The following PLA2R1 variants were observed in gnomAD, a reference collection of about 807,000 sequenced individuals.
PLA2R1 encodes secretory phospholipase A2 receptor.
PLA2R1 carries 158 observed loss-of-function variants against 195.9 expected under a neutral mutation model. The observed-to-expected ratio is 0.81, with a 90% CI of 0.71 to 0.92. The LOEUF is 0.92. PLA2R1 is among the 40% of genes least tolerant of loss of function. The probability of loss-of-function intolerance (pLI) is 0.00; values close to 1 mark genes in which losing one functional copy is unlikely to be tolerated. For synonymous variants in PLA2R1, 586 were observed against 598.2 expected (o/e 0.98, Z 0.30); for missense variants, 1,626 against 1,764.6 (o/e 0.92, Z 1.41).
chr2:159,980,832 T>A (rs1389135941), intron 13 of PLA2R1, among the ~76,000 whole-genome samples: 4 of 152,252 alleles, frequency 2.6e-5, no homozygotes, highest in African/African-American at 7.2e-5. Context: ...TTTTCCTTTG[T>A]GCAGAGAAGC....
intron 27 of PLA2R1, chr2:159,946,282 T>C (rs747098048): frequency 1.0e-6 from 1 of 985,326 alleles, no homozygotes. Context: ...TGTAACAAGC[T>C]CTCCATACCA....
intron 11 of PLA2R1, among the ~76,000 whole-genome samples, chr2:159,997,852 C>T (rs1432602816): frequency 6.6e-6 from 1 of 152,108 alleles, no homozygotes; most frequent in Non-Finnish European, 1.5e-5. Context: ...GCTCTTTACT[C>T]ATTAGGATGG....
intron 2 of PLA2R1, 51 bp from the exon 3 acceptor site, chr2:160,042,249 T>C (rs909046772): frequency 4.6e-6 from 7 of 1,513,526 alleles, no homozygotes; most frequent in South Asian, 1.2e-5. Flanking sequence ...CAGCTTTATC[T>C]TTGGAAACTG....
intron 11 of PLA2R1, among the ~76,000 whole-genome samples, chr2:159,996,987 A>C (rs1691256365): frequency 6.6e-6 from 1 of 152,132 alleles, no homozygotes; most frequent in Non-Finnish European, 1.5e-5. Context: ...GTTTAAAAGA[A>C]TTGCTTGTCT....
intron 5 of PLA2R1, 81 bp from the exon 6 acceptor site, chr2:160,028,442 G>C: frequency 2.1e-6 from 2 of 964,380 alleles, no homozygotes; most frequent in Non-Finnish European, 3.3e-6. Context: ...TTTCAGCATC[G>C]GGGGACAGCG....
At position 159,989,083 on chromosome 2, in the gene PLA2R1, T is replaced by C. The variant is rs202085702; in HGVS notation, c.1835-1725A>G. On this transcript the variant is annotated intron_variant, in intron 11 of 29. Transcript: ENST00000283243. ...CAGTGGTAAAAGAGGAAACACGCTA[T>C]CCCTCACATAGAAGAAAAGAAAGTC... 3.3e-5 allele frequency among the ~76,000 whole-genome samples: 5 copies of C among 152,110 alleles called. No homozygotes were observed. In the East Asian group the frequency reaches 9.6e-4, roughly 29 times the overall value.
rs1488244727 is a variant in PLA2R1, at chr2:159,934,831, C to T, written c.*6947G>A. The T allele has an allele frequency of 1.3e-5, 2 of 152,132 alleles. No homozygotes were observed. The highest frequency in any genetic ancestry group is 2.9e-5 in the Non-Finnish European group (2 of 68,018). 9.4% of individuals were successfully genotyped at this position (152,132 alleles called of 1,614,324 possible). A position where few individuals can be genotyped will look rare whatever the true frequency, so the allele number is the denominator to read the frequency against. ...CAAAACAAAGAAACTAATACTGGTA[C>T]AATACTATTAATTAAACCATAGACT... is the stretch of plus-strand genomic sequence containing the variant. On this transcript the variant is annotated 3_prime_UTR_variant, in exon 30 of 30. Transcript: ENST00000283243.
At chr2:159,974,127 C>G (rs981859587) in intron 17 of PLA2R1, among the ~76,000 whole-genome samples, 1 of 152,154 alleles carries the variant, frequency 6.6e-6, no homozygotes, top group East Asian at 1.9e-4. Flanking sequence ...CTTCATTGTT[C>G]ATGTCTGAGA....
intron 4 of PLA2R1, among the ~76,000 whole-genome samples, chr2:160,032,688 C>A (rs1266878123): frequency 2.6e-5 from 4 of 152,126 alleles, no homozygotes; most frequent in African/African-American, 7.2e-5. Context: ...TCTTCCTGAT[C>A]CACTTGTTAG....
In PLA2R1 at chr2:159,967,568, GA is replaced by G; in HGVS notation, c.2874del (p.Gly961AspfsTer12). On this transcript the variant is annotated frameshift_variant, in exon 20 of 30. Coordinates refer to ENST00000283243, the MANE Select transcript of PLA2R1 (RefSeq NM_007366.5). LOFTEE classifies it high-confidence loss of function. ...KKDTPKQHGT[C>X]PKGWLYFNYK... ...TAGTTAAAATATAGCCATCCTTTGG[GA>G]CACGTTCCATGTTGTTTTGGTGTAT... The G allele has an allele frequency of 6.2e-7, 1 of 1,613,596 alleles. No homozygotes were observed. Among genetic ancestry groups the G allele is most frequent in the Non-Finnish European group, 8.5e-7 (1 of 1,179,682 alleles).
At chr2:160,021,541 C>T (rs940359124) in intron 7 of PLA2R1, among the ~76,000 whole-genome samples, 2 of 152,170 alleles carry the variant, frequency 1.3e-5, no homozygotes, top group African/African-American at 4.8e-5. Context: ...ATGTCAAATA[C>T]TGCGTGTTCT....
At chr2:159,972,177 C>T (rs955083435) in intron 17 of PLA2R1, among the ~76,000 whole-genome samples, 11 of 152,064 alleles carry the variant, frequency 7.2e-5, no homozygotes, top group African/African-American at 1.9e-4. Flanking sequence ...TCAATTATGG[C>T]GTGGTAACCT....
chr2:159,966,773 T>C (rs1560155759), intron 20 of PLA2R1, among the ~76,000 whole-genome samples: 1 of 152,208 alleles, frequency 6.6e-6, no homozygotes, highest in Non-Finnish European at 1.5e-5. Context: ...GTTTGGGTTT[T>C]TTAATTTTCT....
intron 1 of PLA2R1, among the ~76,000 whole-genome samples, chr2:160,049,303 G>C (rs1695077501): frequency 6.6e-6 from 1 of 152,148 alleles, no homozygotes; most frequent in Admixed American, 6.5e-5. Context: ...AGCGGGAGGA[G>C]AATGTTTCAT....
intron 10 of PLA2R1, among the ~76,000 whole-genome samples, chr2:160,012,717 G>A (rs1692447758): frequency 6.6e-6 from 1 of 152,116 alleles, no homozygotes; most frequent in Non-Finnish European, 1.5e-5. Flanking sequence ...GTTCAGACCA[G>A]CCTGGCCAAC....
At chr2:159,924,365 G>A in the PLA2R1 span, among the ~76,000 whole-genome samples, 9 of 152,146 alleles carry the variant, frequency 5.9e-5, no homozygotes, top group Non-Finnish European at 1.0e-4. Context: ...TCTGATATCT[G>A]TAGGGACTAC....
intron 10 of PLA2R1, among the ~76,000 whole-genome samples, chr2:160,011,671 T>C (rs1174846252): frequency 6.6e-6 from 1 of 152,200 alleles, no homozygotes; most frequent in Non-Finnish European, 1.5e-5. Context: ...CAAAAGAGCG[T>C]ATAGCTTCAT....
chr2:160,013,221 T>C lies in PLA2R1; in HGVS notation c.1664+42A>G, dbSNP rs749837491. 16 of 959,058 alleles carry C rather than the reference T, an allele frequency of 1.7e-5. No homozygotes were observed. In the East Asian group the frequency reaches 1.9e-4, roughly 12 times the overall value. The allele number at this position is 959,058 out of a possible 1,614,324, so 59.4% of individuals were successfully genotyped here. A position where few individuals can be genotyped will look rare whatever the true frequency, so the allele number is the denominator to read the frequency against. On this transcript the variant is annotated intron_variant, in intron 10 of 29. Coordinates refer to ENST00000283243, the MANE Select transcript of PLA2R1 (RefSeq NM_007366.5). ...GATTTTATCATTCCAAGAGTCCTCA[T>C]GTGAAAGCCGTCTTGTTTCTGTTAA...
chr2:159,943,426 A>T (rs1687199498), intron 28 of PLA2R1, among the ~76,000 whole-genome samples: 1 of 152,248 alleles, frequency 6.6e-6, no homozygotes, highest in South Asian at 2.1e-4. Context: ...GAATATAGTC[A>T]TATAATTTGT....
Sources: gnomAD v4.1 joint callset for allele counts (sites outside exome capture counted in the v4.1 genomes callset) on GRCh38, gnomAD v4.1.1 for gene constraint, MANE v1.5 for transcripts, NCBI Gene and HGNC (gene_info 2026-07-23, HGNC 2026-07-21) for gene names.